Variants in PRKCE observed in about 807,000 individuals in gnomAD.
The protein encoded by PRKCE is protein kinase C epsilon type.
In PRKCE, 16 loss-of-function variants were observed where a neutral mutation model predicts 85.4. The ratio of observed to expected loss-of-function variants is 0.19; its 90% CI spans 0.13 to 0.28. The LOEUF is 0.28. Among genes scored for constraint, PRKCE ranks in the 10% least tolerant of loss-of-function variants. The pLI, the probability that PRKCE is intolerant of heterozygous loss-of-function variation, is 1.00. For synonymous variants in PRKCE, 388 were observed against 371.5 expected (o/e 1.04, Z -0.51); for missense variants, 573 against 975.2 (o/e 0.59, Z 5.49).
chr2:45,712,309 A>C (rs1200349172), intron 1 of PRKCE, among the ~76,000 whole-genome samples: 3 of 151,696 alleles, frequency 2.0e-5, no homozygotes, highest in Admixed American at 1.3e-4. Flanking sequence ...CACCACGCCC[A>C]GCTACAGCTA....
At chr2:46,018,983 C>T (rs1021652848) in intron 10 of PRKCE, among the ~76,000 whole-genome samples, 2 of 152,262 alleles carry the variant, frequency 1.3e-5, no homozygotes, top group Non-Finnish European at 2.9e-5. Context: ...TGGTGCTGCG[C>T]TCTCTGCAGC....
At chr2:45,870,995 G>A (rs1294720531) in intron 2 of PRKCE, among the ~76,000 whole-genome samples, 6 of 152,184 alleles carry the variant, frequency 3.9e-5, no homozygotes, top group African/African-American at 1.4e-4. Context: ...AGAAGTTTTG[G>A]GGCAAACAGC....
At chr2:46,023,660 C>T (rs998951888) in intron 10 of PRKCE, among the ~76,000 whole-genome samples, 10 of 152,126 alleles carry the variant, frequency 6.6e-5, no homozygotes, top group African/African-American at 2.4e-4. Context: ...TTGTCTCCTT[C>T]CTGTCACTGA....
intron 6 of PRKCE, among the ~76,000 whole-genome samples, chr2:45,998,895 A>G (rs1704439728): frequency 6.6e-6 from 1 of 152,212 alleles, no homozygotes; most frequent in African/African-American, 2.4e-5. Flanking sequence ...CATTTACAAC[A>G]AATCCAAATC....
chr2:45,818,861 A>G (rs1451517748), intron 1 of PRKCE, among the ~76,000 whole-genome samples: 1 of 152,212 alleles, frequency 6.6e-6, no homozygotes, highest in Admixed American at 6.5e-5. Flanking sequence ...CACCGAGTGT[A>G]TCTAATAGCT....
intron 1 of PRKCE, among the ~76,000 whole-genome samples, chr2:45,763,139 A>G (rs1268997798): frequency 6.6e-6 from 1 of 152,036 alleles, no homozygotes; most frequent in African/African-American, 2.4e-5. Context: ...TATTTTTACT[A>G]GAGATGGGGT....
At chr2:45,732,223 G>A (rs911574014) in intron 1 of PRKCE, among the ~76,000 whole-genome samples, 1 of 152,102 alleles carries the variant, frequency 6.6e-6, no homozygotes, top group African/African-American at 2.4e-5. Flanking sequence ...CAGGCAAAGG[G>A]CTCCATGTCG....
At chr2:46,086,839 G>C (rs75882141) in intron 11 of PRKCE, among the ~76,000 whole-genome samples, 3,401 of 152,244 alleles carry the variant, frequency 0.022, 138 homozygotes, top group African/African-American at 0.077. Context: ...TTATGATCTT[G>C]GGTGGGGAAC....
chr2:45,963,348 G>A (rs1701506707), intron 2 of PRKCE, among the ~76,000 whole-genome samples: 1 of 151,636 alleles, frequency 6.6e-6, no homozygotes, highest in Non-Finnish European at 1.5e-5. Flanking sequence ...TTGCTCTATT[G>A]CCCAACATGG....
At chr2:45,660,477 G>A (rs561189762) in intron 1 of PRKCE, among the ~76,000 whole-genome samples, 1 of 152,116 alleles carries the variant, frequency 6.6e-6, no homozygotes, top group African/African-American at 2.4e-5. Context: ...GAAGAAAAAG[G>A]CCCACTTGTC....
intron 2 of PRKCE, among the ~76,000 whole-genome samples, chr2:45,952,222 C>CT (rs1700670980): frequency 6.6e-6 from 1 of 152,152 alleles, no homozygotes; most frequent in Admixed American, 6.5e-5. Context: ...CAACTGAAGC[C>CT]CAGAGAAGGA....
At chr2:46,136,403 A>G (rs1675007599) in intron 11 of PRKCE, among the ~76,000 whole-genome samples, 1 of 152,228 alleles carries the variant, frequency 6.6e-6, no homozygotes, top group African/African-American at 2.4e-5. Flanking sequence ...TAGGGAATCT[A>G]CCATCAATAT....
intron 2 of PRKCE, among the ~76,000 whole-genome samples, chr2:45,970,091 A>T (rs1702008806): frequency 6.6e-6 from 1 of 152,164 alleles, no homozygotes; most frequent in Non-Finnish European, 1.5e-5. Context: ...AAGGATGTGA[A>T]TCTCTTTGTG....
chr2:45,970,372 A>G (rs1025284806), intron 2 of PRKCE, among the ~76,000 whole-genome samples: 1 of 152,068 alleles, frequency 6.6e-6, no homozygotes, highest in Non-Finnish European at 1.5e-5. Context: ...ATCTATGGGG[A>G]TCTTGATATA....
intron 11 of PRKCE, among the ~76,000 whole-genome samples, chr2:46,106,668 C>G (rs1317820134): frequency 6.6e-6 from 1 of 152,238 alleles, no homozygotes; most frequent in Non-Finnish European, 1.5e-5. Flanking sequence ...CACATGCACA[C>G]CTGGTGTCTT....
chr2:45,980,229 A>C, intron 4 of PRKCE, 67 bp from the exon 5 acceptor site: 2 of 1,507,844 alleles, frequency 1.3e-6, no homozygotes, highest in South Asian at 1.1e-5. Flanking sequence ...CAAGCCCTGA[A>C]TAGATCCTGG....
intron 10 of PRKCE, among the ~76,000 whole-genome samples, chr2:46,051,306 C>T (rs1708844366): frequency 6.6e-6 from 1 of 152,192 alleles, no homozygotes; most frequent in African/African-American, 2.4e-5. Flanking sequence ...TGGCAAGAAG[C>T]TGTCCACATG....
chr2:46,010,121 T>A (rs1340968464), intron 9 of PRKCE, among the ~76,000 whole-genome samples: 1 of 152,122 alleles, frequency 6.6e-6, no homozygotes, highest in Admixed American at 6.5e-5. Flanking sequence ...TGAGAGGGGG[T>A]CTTGCTATGT....
At chr2:45,749,677 A>G (rs904373236) in intron 1 of PRKCE, among the ~76,000 whole-genome samples, 2 of 152,232 alleles carry the variant, frequency 1.3e-5, no homozygotes, top group African/African-American at 2.4e-5. Context: ...AAAGAATGCT[A>G]TGAAGTGTAG....
Sources: gnomAD v4.1 joint callset for allele counts (sites outside exome capture counted in the v4.1 genomes callset) on GRCh38, gnomAD v4.1.1 for gene constraint, MANE v1.5 for transcripts, NCBI Gene and HGNC (gene_info 2026-07-23, HGNC 2026-07-21) for gene names.